Variants in GPC5 observed in about 807,000 individuals in gnomAD.
The protein encoded by GPC5 is glypican 5.
GPC5 carries 47 observed loss-of-function variants against 53.9 expected under a neutral mutation model. The observed-to-expected ratio is 0.87, with a 90% CI of 0.69 to 1.11. The LOEUF (loss-of-function observed/expected upper bound fraction) is 1.11. Ranked by LOEUF, GPC5 falls within the 50% of genes most tolerant of loss-of-function variation. The probability of loss-of-function intolerance (pLI) is 0.00; values close to 1 mark genes in which losing one functional copy is unlikely to be tolerated. For missense variants in GPC5, 748 were observed against 713.1 expected (o/e 1.05, Z -0.56); for synonymous variants, 286 against 263.3 (o/e 1.09, Z -0.84).
intron 2 of GPC5, among the ~76,000 whole-genome samples, chr13:91,622,592 T>C (rs2033891766): frequency 6.6e-6 from 1 of 152,086 alleles, no homozygotes; most frequent in South Asian, 2.1e-4. Context: ...ACAAAAATCC[T>C]CTCTAGCCTG....
chr13:91,644,349 G>T (rs960685551), intron 2 of GPC5, among the ~76,000 whole-genome samples: 6 of 152,154 alleles, frequency 3.9e-5, no homozygotes, highest in Admixed American at 1.3e-4. Context: ...TGCAAATGCA[G>T]GTGTTCTGAC....
intron 6 of GPC5, among the ~76,000 whole-genome samples, chr13:92,008,923 A>G (rs950786060): frequency 3.9e-5 from 6 of 152,120 alleles, no homozygotes; most frequent in African/African-American, 1.4e-4. Context: ...CAAATTCACC[A>G]ATCTTTCCTT....
intron 2 of GPC5, among the ~76,000 whole-genome samples, chr13:91,462,094 A>G (rs1881969467): frequency 6.6e-6 from 1 of 152,150 alleles, no homozygotes; most frequent in Non-Finnish European, 1.5e-5. Context: ...ACCAACGTGA[A>G]TACTAAAATC....
chr13:92,255,181 C>T (rs1421850415), intron 7 of GPC5, among the ~76,000 whole-genome samples: 1 of 152,094 alleles, frequency 6.6e-6, no homozygotes, highest in Non-Finnish European at 1.5e-5. Flanking sequence ...TGCAACCAAC[C>T]TCCCAGGGAT....
intron 2 of GPC5, among the ~76,000 whole-genome samples, chr13:91,677,626 C>G (rs1435603806): frequency 1.3e-5 from 2 of 152,104 alleles, no homozygotes; most frequent in Non-Finnish European, 2.9e-5. Flanking sequence ...TCTTGCCCTG[C>G]AAAATTGCAG....
intron 7 of GPC5, among the ~76,000 whole-genome samples, chr13:92,730,704 G>A (rs1200945326): frequency 2.0e-5 from 3 of 151,220 alleles, no homozygotes; most frequent in Admixed American, 6.6e-5. Context: ...GAGAGAGAAG[G>A]TGAAGGTCCA....
chr13:91,764,349 T>C (rs2037479312), intron 5 of GPC5, among the ~76,000 whole-genome samples: 1 of 152,222 alleles, frequency 6.6e-6, no homozygotes, highest in Non-Finnish European at 1.5e-5. Flanking sequence ...CTCTCTTTAA[T>C]GACGTATTGG....
At chr13:92,368,634 TA>T (rs34793615) in intron 7 of GPC5, among the ~76,000 whole-genome samples, 5,841 of 66,260 alleles carry the variant, frequency 0.088, 175 homozygotes, top group African/African-American at 0.16. Flanking sequence ...AAGACTGTCT[TA>T]AAAAAAAAAA....
intron 2 of GPC5, among the ~76,000 whole-genome samples, chr13:91,519,329 G>C (rs967239512): frequency 3.3e-5 from 5 of 152,068 alleles, no homozygotes; most frequent in Non-Finnish European, 7.4e-5. Context: ...ATATATTTAT[G>C]ATATGGTGAT....
At chr13:91,464,271 C>G (rs1181759727) in intron 2 of GPC5, among the ~76,000 whole-genome samples, 1 of 152,092 alleles carries the variant, frequency 6.6e-6, no homozygotes, top group Non-Finnish European at 1.5e-5. Context: ...CACTGAGGCA[C>G]TGTTCATGGT....
At chr13:91,846,420 T>G (rs1224285618) in intron 5 of GPC5, among the ~76,000 whole-genome samples, 1 of 152,166 alleles carries the variant, frequency 6.6e-6, no homozygotes, top group African/African-American at 2.4e-5. Context: ...AACTTTTTAT[T>G]CTTTTATTGG....
intron 7 of GPC5, among the ~76,000 whole-genome samples, chr13:92,290,304 A>G (rs533702031): frequency 2.0e-5 from 3 of 152,298 alleles, no homozygotes; most frequent in African/African-American, 7.2e-5. Context: ...TCTAAATTGT[A>G]TGAGGAAGTG....
At chr13:92,453,660 C>A (rs541415350) in intron 7 of GPC5, among the ~76,000 whole-genome samples, 12 of 152,226 alleles carry the variant, frequency 7.9e-5, no homozygotes, top group Non-Finnish European at 1.6e-4. Context: ...TGAAATCAGA[C>A]TGTCTTTTCT....
At chr13:92,695,131 T>A (rs757459216) in intron 7 of GPC5, among the ~76,000 whole-genome samples, 3 of 152,196 alleles carry the variant, frequency 2.0e-5, no homozygotes, top group Non-Finnish European at 4.4e-5. Flanking sequence ...CTTTCCTTTA[T>A]AAATTATCCA....
intron 5 of GPC5, among the ~76,000 whole-genome samples, chr13:91,889,941 A>C (rs868756860): frequency 8.5e-5 from 13 of 152,228 alleles, no homozygotes; most frequent in African/African-American, 3.1e-4. Context: ...AATAACAAAC[A>C]GAGAGAAATT....
chr13:91,755,768 T>C (rs1454266008), intron 4 of GPC5, among the ~76,000 whole-genome samples: 1 of 152,072 alleles, frequency 6.6e-6, no homozygotes, highest in Non-Finnish European at 1.5e-5. Context: ...GACATTACTT[T>C]ATGTTCTTAG....
At chr13:91,885,456 G>C (rs1429361901) in intron 5 of GPC5, among the ~76,000 whole-genome samples, 4 of 152,150 alleles carry the variant, frequency 2.6e-5, no homozygotes, top group East Asian at 1.9e-4. Context: ...ACTAGAATCT[G>C]GTTGGTGCTT....
At chr13:91,993,099 G>A (rs1246654783) in intron 6 of GPC5, among the ~76,000 whole-genome samples, 1 of 152,136 alleles carries the variant, frequency 6.6e-6, no homozygotes, top group Non-Finnish European at 1.5e-5. Context: ...CTCTCTCTGA[G>A]ACAGACACAT....
intron 7 of GPC5, among the ~76,000 whole-genome samples, chr13:92,496,521 T>C (rs1879986671): frequency 6.6e-6 from 1 of 151,972 alleles, no homozygotes; most frequent in African/African-American, 2.4e-5. Context: ...TCCATGAATA[T>C]GAAAACAAAT....
Sources: allele counts gnomAD v4.1 joint callset (sites outside exome capture counted in the v4.1 genomes callset), GRCh38; gene constraint gnomAD v4.1.1; transcripts MANE v1.5; gene names NCBI Gene and HGNC (gene_info 2026-07-23, HGNC 2026-07-21).